Variants in KPNB1 observed in about 807,000 individuals in gnomAD.
The protein encoded by KPNB1 is importin subunit beta-1.
In KPNB1, 7 loss-of-function variants were observed where a neutral mutation model predicts 113.0. That is an observed-to-expected ratio of 0.06 (90% CI 0.04 to 0.12). The LOEUF (loss-of-function observed/expected upper bound fraction) is 0.12, where lower values mean the gene tolerates loss of function less well. Ranked by LOEUF, KPNB1 falls within the 10% of genes least tolerant of loss-of-function variation. The pLI is 1.00. For synonymous variants in KPNB1, 363 were observed against 378.6 expected (o/e 0.96, Z 0.48); for missense variants, 400 against 1,054.8 (o/e 0.38, Z 8.60).
At chr17:47,651,168 G>A (rs1233244678) in intron 2 of KPNB1, 11 of 978,476 alleles carry the variant, frequency 1.1e-5, no homozygotes, top group Non-Finnish European at 1.3e-5. Flanking sequence ...AATCACAGGG[G>A]AAAGTTCCTC....
chr17:47,651,851 G>A (rs1915583966), intron 2 of KPNB1, among the ~76,000 whole-genome samples: 1 of 152,102 alleles, frequency 6.6e-6, no homozygotes, highest in Admixed American at 6.5e-5. Context: ...TAGTTTTTGA[G>A]GCCTGTGGAT....
rs1210124858 is a variant in KPNB1, at chr17:47,676,342, G to A, written c.1913-67G>A. The A allele has an allele frequency of 1.1e-5, 13 of 1,145,732 alleles. No homozygotes were observed. The Admixed American group carries it at 1.9e-4, about 16-fold the overall frequency. The allele number at this position is 1,145,732 out of a possible 1,614,324, so 71.0% of individuals were successfully genotyped here. On this transcript the variant is annotated intron_variant, in intron 15 of 21. Transcript: ENST00000290158. Reference sequence around the variant, plus strand: ...GTACATTTTGGGAGAGGTAGGATGGGTTATTTCTGCCTGCCTCTGTGTTAA... The same window carrying A: ...GTACATTTTGGGAGAGGTAGGATGGATTATTTCTGCCTGCCTCTGTGTTAA...
At position 47,673,504 on chromosome 17, in the gene KPNB1, C is replaced by T. The variant is rs778184666; in HGVS notation, c.1710C>T (p.Ser570=). The T allele has an allele frequency of 4.2e-5, 68 of 1,612,920 alleles. No homozygotes were observed. Among genetic ancestry groups the T allele is most frequent in the Non-Finnish European group, 5.6e-5 (66 of 1,179,068 alleles). Residue 570 remains serine (S), a synonymous_variant, in exon 14 of 22, where the codon AGC becomes AGT. Transcript: ENST00000290158. The part of the protein sequence containing the change: ...QVLQMESHIQ[S]TSDRIQFNDL... ...TTTCTTTGTAGTCACATATCCAGAG[C>T]ACATCCGATAGAATCCAGTTCAATG...
chr17:47,654,319 G>A lies in KPNB1; in HGVS notation c.282+1443G>A, dbSNP rs145996439. Among the ~76,000 whole-genome samples, 387 of 151,876 alleles carry A rather than the reference G, an allele frequency of 2.5e-3. 1 individual carries two copies. The highest frequency in any genetic ancestry group is 9.1e-3 in the African/African-American group (376 of 41,362). On this transcript the variant is annotated intron_variant, in intron 3 of 21. Coordinates refer to ENST00000290158, the MANE Select transcript of KPNB1 (RefSeq NM_002265.6). ...AGTCTCAGCTACTCTGGAGGCTTAG[G>A]CAGGAGAATTGCTTGAACCTGGGAG...
At chr17:47,682,352 T>G (rs2030809946) in intron 21 of KPNB1, 52 bp from the exon 22 acceptor site, 1 of 780,566 alleles carries the variant, frequency 1.3e-6, no homozygotes, top group Admixed American at 1.7e-5. Flanking sequence ...TTATTGGCTC[T>G]GTTGGGTATA....
rs1182722802 is a variant in KPNB1, at chr17:47,673,570, G to T, written c.1767+9G>T. On this transcript the variant is annotated intron_variant, in intron 14 of 21. Transcript: ENST00000290158. ...TCTGTGCAACTCTTCAGGTATGGTGGTGCCTTATGACTTAATAACTCCAGG... is the reference window on the plus strand; with the variant it reads ...TCTGTGCAACTCTTCAGGTATGGTGTTGCCTTATGACTTAATAACTCCAGG... 6.2e-6 allele frequency: 10 copies of T among 1,600,884 alleles called. No individual in the cohort carries two copies. The highest frequency in any genetic ancestry group is 1.1e-5 in the South Asian group (1 of 90,782).
rs1174130630 is a variant in KPNB1 at position 47,682,772 on chromosome 17, G to C, written c.*368G>C. The C allele has an allele frequency of 2.8e-5, 8 of 282,164 alleles. No individual in the cohort carries two copies. The highest frequency in any genetic ancestry group is 4.7e-5 in the Non-Finnish European group (7 of 147,642). The allele number at this position is 282,164 out of a possible 1,614,324, so 17.5% of individuals were successfully genotyped here. A position where few individuals can be genotyped will look rare whatever the true frequency, so the allele number is the denominator to read the frequency against. ...AGTGCCGAGTGGAATGCCTGGTTTGGGGGAGGAGGAGGGACTGGGTTCAGC... is the reference window on the plus strand; with the variant it reads ...AGTGCCGAGTGGAATGCCTGGTTTGCGGGAGGAGGAGGGACTGGGTTCAGC... On this transcript the variant is annotated 3_prime_UTR_variant, in exon 22 of 22. Coordinates refer to ENST00000290158, the MANE Select transcript of KPNB1 (RefSeq NM_002265.6).
chr17:47,652,688 TAAC>T lies in KPNB1; in HGVS notation c.100-4_100-2del, dbSNP rs1915613957. ...TTTTATTTACAAATTTATCTTCCCTTAACAGCCCACTTTCCTTGTGGAACTGTC... is the reference window on the plus strand; with the variant it reads ...TTTTATTTACAAATTTATCTTCCCTTAGCCCACTTTCCTTGTGGAACTGTC... On this transcript the variant is annotated splice_polypyrimidine_tract_variant and splice_region_variant and intron_variant, in intron 2 of 21. Transcript: ENST00000290158. 6.4e-7 allele frequency: 1 copy of T among 1,560,860 alleles called. No individual in the cohort carries two copies. Among genetic ancestry groups the T allele is most frequent in the Non-Finnish European group, 8.6e-7 (1 of 1,159,826 alleles).
intron 10 of KPNB1, 87 bp from the exon 11 acceptor site, chr17:47,669,591 C>A: frequency 1.0e-6 from 1 of 956,460 alleles, no homozygotes; most frequent in Non-Finnish European, 1.6e-6. Context: ...TGAGTTAAGC[C>A]ATCCATCAGT....
chr17:47,666,086 C>T (rs1341511710), intron 9 of KPNB1, among the ~76,000 whole-genome samples: 1 of 151,956 alleles, frequency 6.6e-6, no homozygotes, highest in Non-Finnish European at 1.5e-5. Context: ...TGGAGTCATA[C>T]TCTGTCTCCC....
intron 10 of KPNB1, among the ~76,000 whole-genome samples, chr17:47,668,823 T>C (rs1226324344): frequency 6.6e-6 from 1 of 152,206 alleles, no homozygotes; most frequent in Non-Finnish European, 1.5e-5. Context: ...CCCATAATTT[T>C]TAATAATGGC....
rs372626649 is a variant in KPNB1 at position 47,653,797 on chromosome 17, C to T, written c.282+921C>T. Reference sequence around the variant, plus strand: ...ACTTCTGTATCTGGTTGTGTACCTCCTTCTGTCACCAATCTTGCATACCCA... The same window carrying T: ...ACTTCTGTATCTGGTTGTGTACCTCTTTCTGTCACCAATCTTGCATACCCA... On this transcript the variant is annotated intron_variant, in intron 3 of 21. Transcript: ENST00000290158. Among the ~76,000 whole-genome samples, 43 of 152,258 alleles carry T rather than the reference C, an allele frequency of 2.8e-4. 1 individual carries two copies. In the South Asian group the frequency reaches 8.3e-3, roughly 29 times the overall value.
At chr17:47,650,879 C>A (rs1441827319) in intron 2 of KPNB1, among the ~76,000 whole-genome samples, 1 of 152,178 alleles carries the variant, frequency 6.6e-6, no homozygotes, top group Non-Finnish European at 1.5e-5. Flanking sequence ...TATCCCGTGG[C>A]CCCTGTGGCT....
intron 6 of KPNB1, 145 bp downstream of exon 6, chr17:47,661,323 G>C (rs1024674792): frequency 8.5e-6 from 6 of 702,154 alleles, no homozygotes; most frequent in Admixed American, 6.4e-5. Context: ...ATTCTGGCTG[G>C]GCATGGTGGC....
intron 21 of KPNB1, among the ~76,000 whole-genome samples, chr17:47,681,605 A>G (rs2030779439): frequency 6.8e-6 from 1 of 146,298 alleles, no homozygotes; most frequent in Non-Finnish European, 1.5e-5. Flanking sequence ...ATGGGGTTTC[A>G]CCATGTTTGC....
In KPNB1 at chr17:47,685,313, ACT is replaced by A. The variant is rs2030908722; in HGVS notation, c.*2911_*2912del. 1 of 152,010 alleles carries A rather than the reference ACT, an allele frequency of 6.6e-6. No individual in the cohort carries two copies. Among genetic ancestry groups the A allele is most frequent in the Admixed American group, 6.6e-5 (1 of 15,254 alleles). 9.4% of individuals were successfully genotyped at this position (152,010 alleles called of 1,614,324 possible). A position where few individuals can be genotyped will look rare whatever the true frequency, so the allele number is the denominator to read the frequency against. ...TAGTCCAACTTTAAGAAAAATCCAA[ACT>A]CATCAGCTTTTGATAGCATCTTGGT... is the stretch of plus-strand genomic sequence containing the variant. On this transcript the variant is annotated 3_prime_UTR_variant, in exon 22 of 22. Coordinates refer to ENST00000290158, the MANE Select transcript of KPNB1 (RefSeq NM_002265.6).
rs1437738682 is a variant in KPNB1, at chr17:47,683,106, A to AAAAAAAAAC, written c.*710_*711insCAAAAAAAA. ...CAAGAGATGTAAAAAAAAAAAAAAA[A>AAAAAAAAAC]AAAAAAAAAAAAACACACACACAGA... On this transcript the variant is annotated 3_prime_UTR_variant, in exon 22 of 22. Coordinates refer to ENST00000290158, the MANE Select transcript of KPNB1 (RefSeq NM_002265.6). 1 of 147,268 alleles carries AAAAAAAAAC rather than the reference A, an allele frequency of 6.8e-6. No individual in the cohort carries two copies. Among genetic ancestry groups the AAAAAAAAAC allele is most frequent in the Non-Finnish European group, 1.5e-5 (1 of 66,798 alleles). 9.1% of individuals were successfully genotyped at this position (147,268 alleles called of 1,614,324 possible).
chr17:47,664,460 G>C (rs1226109108), intron 8 of KPNB1, among the ~76,000 whole-genome samples, 191 bp downstream of exon 8: 1 of 152,074 alleles, frequency 6.6e-6, no homozygotes, highest in African/African-American at 2.4e-5. Context: ...TCACGTTCTT[G>C]CCAAGCAGTC....
intron 17 of KPNB1, 148 bp downstream of exon 17, chr17:47,677,275 C>T (rs1448849702): frequency 8.0e-6 from 5 of 627,030 alleles, no homozygotes; most frequent in African/African-American, 7.3e-5. Context: ...TCGAGACCAA[C>T]CTGGACAACA....
Sources: allele counts gnomAD v4.1 joint callset (sites outside exome capture counted in the v4.1 genomes callset), GRCh38; gene constraint gnomAD v4.1.1; transcripts MANE v1.5; gene names NCBI Gene and HGNC (gene_info 2026-07-23, HGNC 2026-07-21).